The following RAB8B variants were observed in gnomAD, a reference collection of about 807,000 sequenced individuals.
RAB8B encodes RAB8B, member RAS oncogene family.
A neutral mutation model predicts 32.0 loss-of-function variants in RAB8B; 11 were observed. The observed-to-expected ratio is 0.34, with a 90% CI of 0.22 to 0.57. RAB8B has a LOEUF of 0.57. RAB8B is among the 20% of genes least tolerant of loss of function. The probability of loss-of-function intolerance (pLI) is 0.86; values close to 1 mark genes in which losing one functional copy is unlikely to be tolerated. For synonymous variants in RAB8B, 103 were observed against 89.6 expected (o/e 1.15, Z -0.85); for missense variants, 190 against 258.5 (o/e 0.73, Z 1.82).
intron 1 of RAB8B, among the ~76,000 whole-genome samples, chr15:63,203,675 A>T (rs2037671265): frequency 6.6e-6 from 1 of 152,162 alleles, no homozygotes; most frequent in Admixed American, 6.5e-5. Flanking sequence ...TCATGGATTG[A>T]CCCGTTTAAT....
At chr15:63,219,666 C>A (rs934839280) in intron 1 of RAB8B, among the ~76,000 whole-genome samples, 1 of 152,190 alleles carries the variant, frequency 6.6e-6, no homozygotes, top group African/African-American at 2.4e-5. Flanking sequence ...AGGCAGAAAG[C>A]CACTGCTGTG....
chr15:63,195,477 A>C (rs1003491405), intron 1 of RAB8B, among the ~76,000 whole-genome samples: 6 of 152,376 alleles, frequency 3.9e-5, no homozygotes, highest in African/African-American at 1.4e-4. Context: ...TGGCAACAGC[A>C]GCGAGATTGT....
At chr15:63,225,964 A>ATC (rs1263838921) in intron 1 of RAB8B, among the ~76,000 whole-genome samples, 2 of 151,770 alleles carry the variant, frequency 1.3e-5, no homozygotes, top group Admixed American at 6.6e-5. Context: ...CCTCGGCCCC[A>ATC]TCAGTAGCTG....
At chr15:63,193,542 T>C (rs892713624) in intron 1 of RAB8B, among the ~76,000 whole-genome samples, 7 of 152,208 alleles carry the variant, frequency 4.6e-5, no homozygotes, top group Non-Finnish European at 8.8e-5. Context: ...CCAAGCGCAG[T>C]GGCTCATGCC....
At chr15:63,256,626 A>C in intron 5 of RAB8B, 32 bp downstream of exon 5, 2 of 1,416,124 alleles carry the variant, frequency 1.4e-6, no homozygotes, top group Non-Finnish European at 9.8e-7. Flanking sequence ...AAAGGTTGGA[A>C]TCTACTCACA....
chr15:63,198,115 C>T (rs1182117024), intron 1 of RAB8B, among the ~76,000 whole-genome samples: 1 of 152,088 alleles, frequency 6.6e-6, no homozygotes, highest in African/African-American at 2.4e-5. Flanking sequence ...ACCTGGTTGT[C>T]CTTAGAGGAA....
intron 1 of RAB8B, among the ~76,000 whole-genome samples, chr15:63,213,613 A>C (rs550929015): frequency 5.4e-4 from 82 of 152,266 alleles, no homozygotes; most frequent in African/African-American, 1.9e-3. Context: ...TTAAAAAAAA[A>C]CCCAAAACAA....
Position 63,259,829 on chromosome 15 carries a change from T to C in RAB8B, c.480+137T>C. 3 of 755,364 alleles carry C rather than the reference T, an allele frequency of 4.0e-6. No homozygotes were observed. The highest frequency in any genetic ancestry group is 6.4e-6 in the Non-Finnish European group (3 of 466,788). 46.8% of individuals were successfully genotyped at this position (755,364 alleles called of 1,614,324 possible). A position where few individuals can be genotyped will look rare whatever the true frequency, so the allele number is the denominator to read the frequency against. ...TGACCCAACTCTACTTTGTACACTT[T>C]TGTGCTTCTGATTTTTTTTTTTTTG... On this transcript the variant is annotated intron_variant, in intron 6 of 7. Transcript: ENST00000321437. The surrounding 1 kb of genome is among the most constrained non-coding windows in gnomAD (Gnocchi z 4.4).
chr15:63,249,845 G>GT (rs1188578557), intron 3 of RAB8B, 140 bp downstream of exon 3: 16 of 936,004 alleles, frequency 1.7e-5, no homozygotes, highest in East Asian at 3.0e-5. Flanking sequence ...CATTTAAAAG[G>GT]TTTTTTGGGG....
At chr15:63,244,878 T>C (rs1185865887) in intron 2 of RAB8B, 62 bp downstream of exon 2, 14 of 1,379,850 alleles carry the variant, frequency 1.0e-5, no homozygotes, top group Non-Finnish European at 1.4e-5. Context: ...GAATTAAATG[T>C]GAATTGTAAT....
chr15:63,211,311 A>C (rs1268930741), intron 1 of RAB8B, among the ~76,000 whole-genome samples: 1 of 152,218 alleles, frequency 6.6e-6, no homozygotes, highest in Non-Finnish European at 1.5e-5. Flanking sequence ...TCCTGAAACT[A>C]CAGCCAGATT....
At position 63,259,554 on chromosome 15, in the gene RAB8B, A is replaced by G; in HGVS notation, c.415-73A>G. On this transcript the variant is annotated intron_variant, in intron 5 of 7. Coordinates refer to ENST00000321437, the MANE Select transcript of RAB8B (RefSeq NM_016530.3). This position sits in a 1 kb window ranked among gnomAD's most constrained non-coding sequence, Gnocchi z 4.4. ...TACCCTACCTTTGAGACTTTGAAAA[A>G]CCTAAGAAATACAAATGCATTATGT... 2 of 1,356,262 alleles carry G rather than the reference A, an allele frequency of 1.5e-6. No homozygotes were observed. Among genetic ancestry groups the G allele is most frequent in the Non-Finnish European group, 2.1e-6 (2 of 959,532 alleles). 84.0% of individuals were successfully genotyped at this position (1,356,262 alleles called of 1,614,324 possible). A position where few individuals can be genotyped will look rare whatever the true frequency, so the allele number is the denominator to read the frequency against.
intron 1 of RAB8B, among the ~76,000 whole-genome samples, chr15:63,234,806 A>C (rs561337558): frequency 6.6e-6 from 1 of 152,294 alleles, no homozygotes; most frequent in Admixed American, 6.5e-5. Context: ...AGGGTGGGGC[A>C]GTGGCTGTCC....
At chr15:63,241,386 T>C (rs2038030856) in intron 1 of RAB8B, among the ~76,000 whole-genome samples, 1 of 152,260 alleles carries the variant, frequency 6.6e-6, no homozygotes, top group Non-Finnish European at 1.5e-5. Flanking sequence ...TGGTAAAATG[T>C]TGGACATTGG....
intron 1 of RAB8B, among the ~76,000 whole-genome samples, chr15:63,204,122 T>C (rs904640782): frequency 6.6e-6 from 1 of 152,134 alleles, no homozygotes; most frequent in African/African-American, 2.4e-5. Flanking sequence ...GAAGCACCTG[T>C]TAGCATGAGT....
intron 3 of RAB8B, among the ~76,000 whole-genome samples, chr15:63,251,886 G>A (rs939916919): frequency 3.3e-5 from 5 of 152,076 alleles, no homozygotes; most frequent in African/African-American, 4.8e-5. Flanking sequence ...AGCAAGTGGT[G>A]GTTATGGCAG....
At chr15:63,217,900 A>G (rs1180449259) in intron 1 of RAB8B, among the ~76,000 whole-genome samples, 1 of 152,228 alleles carries the variant, frequency 6.6e-6, no homozygotes, top group Non-Finnish European at 1.5e-5. Flanking sequence ...TTGAGAGTAC[A>G]GAGCTCACAT....
chr15:63,266,811 T>C lies in RAB8B; in HGVS notation c.*3192T>C, dbSNP rs1270475604. On this transcript the variant is annotated 3_prime_UTR_variant, in exon 8 of 8. Coordinates refer to ENST00000321437, the MANE Select transcript of RAB8B (RefSeq NM_016530.3). The stretch of plus-strand genomic sequence containing the variant: ...ATAACTCCATTTTACAGGTTCTGAA[T>C]GCTCAGAGTCTATATTAAGGCTTAT... 3 of 152,660 alleles carry C rather than the reference T, an allele frequency of 2.0e-5. No homozygotes were observed. The highest frequency in any genetic ancestry group is 2.4e-5 in the African/African-American group (1 of 41,474). 9.5% of individuals were successfully genotyped at this position (152,660 alleles called of 1,614,324 possible).
At chr15:63,254,639 G>A (rs191756017) in intron 3 of RAB8B, among the ~76,000 whole-genome samples, 4 of 152,130 alleles carry the variant, frequency 2.6e-5, no homozygotes, top group East Asian at 1.9e-4. Flanking sequence ...TGGGCTGGGC[G>A]CGGTGGCTCA....
Sources: allele counts gnomAD v4.1 joint callset (sites outside exome capture counted in the v4.1 genomes callset), GRCh38; gene constraint gnomAD v4.1.1; non-coding constraint Gnocchi (gnomAD v3.1); transcripts MANE v1.5; gene names NCBI Gene and HGNC (gene_info 2026-07-23, HGNC 2026-07-21).